Variants in RPS6KC1 observed in about 807,000 individuals in gnomAD.
RPS6KC1 encodes ribosomal protein S6 kinase C1.
In RPS6KC1, 54 loss-of-function variants were observed where a neutral mutation model predicts 103.8. The ratio of observed to expected loss-of-function variants is 0.52; its 90% CI spans 0.42 to 0.65. RPS6KC1 has a LOEUF of 0.65. RPS6KC1 is among the 30% of genes least tolerant of loss of function. The probability of loss-of-function intolerance (pLI) is 0.00; values close to 1 mark genes in which losing one functional copy is unlikely to be tolerated. For synonymous variants in RPS6KC1, 439 were observed against 438.7 expected (o/e 1.00, Z -0.01); for missense variants, 1,151 against 1,253.8 (o/e 0.92, Z 1.24).
the RPS6KC1 span, among the ~76,000 whole-genome samples, chr1:213,625,783 T>G: frequency 6.6e-6 from 1 of 152,210 alleles, no homozygotes; most frequent in Non-Finnish European, 1.5e-5. Flanking sequence ...GGCTGCATAG[T>G]ATTCCATGGT....
At chr1:213,471,733 A>G in the RPS6KC1 span, among the ~76,000 whole-genome samples, 1 of 146,992 alleles carries the variant, frequency 6.8e-6, no homozygotes, top group African/African-American at 2.5e-5. Flanking sequence ...TCCTCTTTCT[A>G]TTTTTCTGCC....
the RPS6KC1 span, among the ~76,000 whole-genome samples, chr1:213,795,826 C>T: frequency 1.1e-4 from 16 of 152,104 alleles, no homozygotes; most frequent in East Asian, 5.8e-4. Context: ...CCGCTGGTTT[C>T]GTCTCTTAGC....
chr1:213,436,809 C>T, the RPS6KC1 span, among the ~76,000 whole-genome samples: 1 of 151,942 alleles, frequency 6.6e-6, no homozygotes, highest in Admixed American at 6.6e-5. Context: ...ATTTTCTAGT[C>T]TTTTGTTTCT....
the RPS6KC1 span, among the ~76,000 whole-genome samples, chr1:213,615,252 C>T: frequency 5.3e-5 from 8 of 152,132 alleles, no homozygotes; most frequent in South Asian, 4.1e-4. Flanking sequence ...GGGAGGCTGT[C>T]AAGGGGAGAG....
At chr1:213,216,684 G>C (rs1320683974) in intron 8 of RPS6KC1, among the ~76,000 whole-genome samples, 1 of 152,076 alleles carries the variant, frequency 6.6e-6, no homozygotes, top group Admixed American at 6.6e-5. Flanking sequence ...TCAGACCACA[G>C]TGCAATCAAG....
chr1:213,668,628 T>C, the RPS6KC1 span, among the ~76,000 whole-genome samples: 1 of 152,086 alleles, frequency 6.6e-6, no homozygotes. Context: ...TAACAAGAGA[T>C]CCAGCCTATC....
rs577257282 is a variant in RPS6KC1 at position 213,089,650 on chromosome 1, C to T, written c.262+11834C>T. ...CTAATTTTTGTATTTTTAGCAGAGA[C>T]GGGGTTTCACCATGTTGGCCAGGCT... is the stretch of plus-strand genomic sequence containing the variant. On this transcript the variant is annotated intron_variant, in intron 3 of 14. Transcript: ENST00000366960. Among the ~76,000 whole-genome samples, 487 of 152,020 alleles carry T rather than the reference C, an allele frequency of 3.2e-3. 2 individuals are homozygous for T. The highest frequency in any genetic ancestry group is 0.011 in the African/African-American group (469 of 41,476).
chr1:213,140,847 A>AT (rs35374161), intron 6 of RPS6KC1, among the ~76,000 whole-genome samples: 87,614 of 132,402 alleles, frequency 0.66, 28,962 homozygotes, highest in African/African-American at 0.72. Context: ...GAATCCCTTG[A>AT]TTTTTTTTTT....
In RPS6KC1 at chr1:213,274,747, G is replaced by C. The variant is rs1343717610; in HGVS notation, c.*2113G>C. On this transcript the variant is annotated 3_prime_UTR_variant, in exon 15 of 15. Transcript: ENST00000366960. ...TTTAAGCAGAAGAGTGGAATATGGGGTCAAAATCATAAAAGAAGTTGCCAT... is the reference window on the plus strand; with the variant it reads ...TTTAAGCAGAAGAGTGGAATATGGGCTCAAAATCATAAAAGAAGTTGCCAT... 2.6e-5 allele frequency: 4 copies of C among 151,896 alleles called. No homozygotes were observed. Among genetic ancestry groups the C allele is most frequent in the Non-Finnish European group, 5.9e-5 (4 of 67,980 alleles). 9.4% of individuals were successfully genotyped at this position (151,896 alleles called of 1,614,324 possible).
the RPS6KC1 span, among the ~76,000 whole-genome samples, chr1:213,740,632 A>G: frequency 2.0e-5 from 3 of 150,552 alleles, no homozygotes; most frequent in African/African-American, 7.4e-5. Flanking sequence ...TCTCAGATAT[A>G]TATACACATA....
At chr1:213,731,256 T>G in the RPS6KC1 span, among the ~76,000 whole-genome samples, 117 of 152,334 alleles carry the variant, frequency 7.7e-4, 1 homozygote, top group Middle Eastern at 0.031. Flanking sequence ...ATATGAATTT[T>G]AAAATAGCTT....
chr1:213,237,725 CAA>C (rs959755972), intron 10 of RPS6KC1, among the ~76,000 whole-genome samples: 19 of 152,008 alleles, frequency 1.2e-4, no homozygotes, highest in African/African-American at 2.9e-4. Context: ...TGAGGAGAGA[CAA>C]AGAGTTTTAA....
intron 6 of RPS6KC1, among the ~76,000 whole-genome samples, chr1:213,162,184 A>G (rs556958574): frequency 6.6e-6 from 1 of 152,336 alleles, no homozygotes; most frequent in South Asian, 2.1e-4. Context: ...TGACTTTAGA[A>G]CATAAGAGAA....
At chr1:213,673,453 C>T in the RPS6KC1 span, among the ~76,000 whole-genome samples, 5 of 152,128 alleles carry the variant, frequency 3.3e-5, no homozygotes, top group African/African-American at 1.2e-4. Context: ...CTGCAGTGGA[C>T]GTTAGCAGCT....
At chr1:213,594,313 C>T in the RPS6KC1 span, among the ~76,000 whole-genome samples, 4 of 151,792 alleles carry the variant, frequency 2.6e-5, no homozygotes, top group Non-Finnish European at 4.4e-5. Context: ...AAAGATTTAG[C>T]GCAAAAAGGG....
At chr1:213,511,270 G>A in the RPS6KC1 span, among the ~76,000 whole-genome samples, 2 of 152,134 alleles carry the variant, frequency 1.3e-5, no homozygotes, top group Non-Finnish European at 2.9e-5. Context: ...GACTATGCAA[G>A]TGTGTGGAAG....
chr1:213,388,550 G>GA, the RPS6KC1 span, among the ~76,000 whole-genome samples: 1 of 152,226 alleles, frequency 6.6e-6, no homozygotes, highest in Non-Finnish European at 1.5e-5. Context: ...GGTTGCAAAT[G>GA]AAAACCTGAG....
chr1:213,289,330 A>T, the RPS6KC1 span, among the ~76,000 whole-genome samples: 1 of 145,024 alleles, frequency 6.9e-6, no homozygotes, highest in Admixed American at 6.9e-5. Context: ...GAGATGATTT[A>T]TGTATATTTT....
At chr1:213,572,313 A>T in the RPS6KC1 span, among the ~76,000 whole-genome samples, 1 of 152,218 alleles carries the variant, frequency 6.6e-6, no homozygotes, top group Non-Finnish European at 1.5e-5. Context: ...CAGGAGGAAA[A>T]TCCCAGGTTT....
Sources: allele counts gnomAD v4.1 joint callset (sites outside exome capture counted in the v4.1 genomes callset), GRCh38; gene constraint gnomAD v4.1.1; transcripts MANE v1.5; gene names NCBI Gene and HGNC (gene_info 2026-07-23, HGNC 2026-07-21).